Variants in INO80 observed in about 807,000 individuals in gnomAD.
INO80 encodes the protein INO80 complex ATPase subunit, also known as chromatin-remodeling ATPase INO80.
In INO80, 20 loss-of-function variants were observed where a neutral mutation model predicts 203.4. That is an observed-to-expected ratio of 0.10 (90% CI 0.07 to 0.14). The LOEUF (loss-of-function observed/expected upper bound fraction) is 0.14, where lower values mean the gene tolerates loss of function less well. INO80 is among the 10% of genes least tolerant of loss of function. INO80 has a pLI of 1.00. For missense variants in INO80, 1,419 were observed against 1,914.4 expected, an observed-to-expected ratio of 0.74 and a Z score of 4.83; for synonymous variants, 726 against 685.2, an observed-to-expected ratio of 1.06 and a Z score of -0.93.
intron 27 of INO80, among the ~76,000 whole-genome samples, chr15:41,014,019 C>T (rs1435822274): frequency 1.3e-5 from 2 of 152,166 alleles, no homozygotes; most frequent in Non-Finnish European, 2.9e-5. Context: ...GTAGAGTTTA[C>T]AGCACTTATC....
At chr15:41,067,011 T>C (rs1322426960) in intron 14 of INO80, among the ~76,000 whole-genome samples, 1 of 152,146 alleles carries the variant, frequency 6.6e-6, no homozygotes, top group East Asian at 1.9e-4. Flanking sequence ...CACATTGCCA[T>C]CTATCAGCAG....
At chr15:41,028,328 G>A (rs993399481) in intron 24 of INO80, among the ~76,000 whole-genome samples, 15 of 152,016 alleles carry the variant, frequency 9.9e-5, no homozygotes, top group Admixed American at 7.2e-4. Flanking sequence ...TAGAGACAGG[G>A]TTTCACCATG....
rs528734407 is a variant in INO80, at chr15:41,090,662, G to A, written c.537+1365C>T. ...GAGGGGCAACAGCTAAGAGGCATGC[G>A]GTTTCTTTATGAGGTGATGCAAATG... On this transcript the variant is annotated intron_variant, in intron 5 of 35. Transcript: ENST00000648947. Among the ~76,000 whole-genome samples, 7 of 152,062 alleles carry A rather than the reference G, an allele frequency of 4.6e-5. No homozygotes were observed. In the East Asian group the frequency reaches 1.2e-3, roughly 25 times the overall value.
At position 40,980,195 on chromosome 15, in the gene INO80, G is replaced by A. The variant is rs749091379; in HGVS notation, c.*28C>T. 9 of 1,592,868 alleles carry A rather than the reference G, an allele frequency of 5.7e-6. No homozygotes were observed. In the East Asian group the frequency reaches 2.0e-4, roughly 36 times the overall value. ...AGGTCAGGACTCTAGCCCTGGTTTG[G>A]TTGAAGGAAGTCGGAGGGCCCAGAT... On this transcript the variant is annotated 3_prime_UTR_variant, in exon 36 of 36. Coordinates refer to ENST00000648947, the MANE Select transcript of INO80 (RefSeq NM_017553.3).
At chr15:41,058,893 G>T in intron 15 of INO80, 112 bp from the exon 16 acceptor site, 1 of 955,668 alleles carries the variant, frequency 1.0e-6, no homozygotes, top group Non-Finnish European at 1.6e-6. Context: ...CCCTGAAGAT[G>T]TGCTTCTCCC....
In INO80 at chr15:40,980,430, G is replaced by A; in HGVS notation, c.4464C>T (p.Ala1488=). The change falls in exon 36 of 36, where the codon GCC becomes GCT. Residue 1488 remains alanine, a synonymous_variant. Transcript: ENST00000648947. ...CAAGGGATGTCTGCAGAGGACTGCTGGCGGAGATTCCTGTGGGGACGGAGA... is the reference window on the plus strand; with the variant it reads ...CAAGGGATGTCTGCAGAGGACTGCTAGCGGAGATTCCTGTGGGGACGGAGA... ...YGYNVSKGIS[A]SSPLQTSLVR... 6.2e-7 allele frequency: 1 copy of A among 1,612,830 alleles called. No homozygotes were observed. The highest frequency in any genetic ancestry group is 8.5e-7 in the Non-Finnish European group (1 of 1,179,732).
intron 22 of INO80, 71 bp from the exon 23 acceptor site, chr15:41,047,572 C>A: frequency 9.3e-7 from 1 of 1,074,640 alleles, no homozygotes; most frequent in Non-Finnish European, 1.4e-6. Flanking sequence ...GCCTGCTCAA[C>A]TGCTGAGTTT....
rs745789196 is a variant in INO80 at position 40,987,148 on chromosome 15, A to G, written c.3775T>C (p.Leu1259=). 1.6e-5 allele frequency: 26 copies of G among 1,613,698 alleles called. No individual in the cohort carries two copies. Among genetic ancestry groups the G allele is most frequent in the Non-Finnish European group, 1.7e-6 (2 of 1,179,746 alleles). The change falls in exon 31 of 36, where the codon TTG becomes CTG. Residue 1259 remains leucine (L), a synonymous_variant. Transcript: ENST00000648947. ...ISGGNFKPDT[L]KPKEVVSLLL... ...AGACTAACCACCTCTTTGGGTTTCA[A>G]GGTATCTGGTTTGAAGTTCCCACCT... is the stretch of plus-strand genomic sequence containing the variant.
intron 26 of INO80, chr15:41,016,994 T>A: frequency 6.6e-6 from 1 of 152,142 alleles, no homozygotes; most frequent in Non-Finnish European, 1.5e-5. Flanking sequence ...CTACCCTTTT[T>A]TTTTTTTAAA....
intron 1 of INO80, among the ~76,000 whole-genome samples, chr15:41,099,349 T>G (rs919157651): frequency 6.6e-6 from 1 of 151,086 alleles, no homozygotes; most frequent in South Asian, 2.1e-4. Flanking sequence ...AAACTCCCAT[T>G]GTGGCGATAG....
chr15:41,045,708 A>C (rs3101441), intron 23 of INO80, among the ~76,000 whole-genome samples: 134,023 of 151,482 alleles, frequency 0.88, 61,410 homozygotes, highest in East Asian at 1. Context: ...GCCTGGCCAA[A>C]ATGGTGAAAC....
chr15:41,027,908 C>A, intron 24 of INO80, 172 bp from the exon 25 acceptor site: 1 of 426,626 alleles, frequency 2.3e-6, no homozygotes. Flanking sequence ...ACAGTTGAAG[C>A]CCATGTTAAT....
intron 7 of INO80, among the ~76,000 whole-genome samples, chr15:41,081,308 A>C (rs971873157): frequency 6.6e-6 from 1 of 152,228 alleles, no homozygotes; most frequent in Non-Finnish European, 1.5e-5. Context: ...TCTTCTGTAT[A>C]CTTTTGGGAA....
At chr15:40,995,146 G>A (rs1276521713) in intron 29 of INO80, among the ~76,000 whole-genome samples, 4 of 152,174 alleles carry the variant, frequency 2.6e-5, no homozygotes, top group Non-Finnish European at 5.9e-5. Flanking sequence ...GTGAGCCACC[G>A]CGTTCAGCCT....
intron 11 of INO80, 108 bp from the exon 12 acceptor site, chr15:41,072,166 T>C (rs968064871): frequency 1.9e-5 from 13 of 689,536 alleles, no homozygotes; most frequent in Non-Finnish European, 2.8e-5. Flanking sequence ...AGAAAAATAA[T>C]TGGAACAAAA....
At chr15:41,072,980 C>T (rs2045347052) in intron 11 of INO80, among the ~76,000 whole-genome samples, 1 of 151,950 alleles carries the variant, frequency 6.6e-6, no homozygotes, top group Non-Finnish European at 1.5e-5. Context: ...GGGGTTTCAC[C>T]GTGTTAGCCT....
rs753607624 is a variant in INO80, at chr15:41,085,378, T to C, written c.864A>G (p.Glu288=). ...RKVWLSIVKK[E]LPKANKQKAS... Reference sequence around the variant, plus strand: ...GGAGGCATTCACTTACCTTTGGTAGTTCCTTTTTCACAATGCTGAGCCATA... The same window carrying C: ...GGAGGCATTCACTTACCTTTGGTAGCTCCTTTTTCACAATGCTGAGCCATA... The change falls in exon 7 of 36, where the codon GAA becomes GAG. Residue 288 remains glutamate (E), a synonymous_variant. Coordinates refer to ENST00000648947, the MANE Select transcript of INO80 (RefSeq NM_017553.3). 14 of 1,613,990 alleles carry C rather than the reference T, an allele frequency of 8.7e-6. No homozygotes were observed. The highest frequency in any genetic ancestry group is 1.2e-5 in the Non-Finnish European group (14 of 1,179,984).
chr15:41,038,011 C>CTTTTTTTTTTT (rs748525965), intron 24 of INO80, among the ~76,000 whole-genome samples: 8 of 89,794 alleles, frequency 8.9e-5, no homozygotes, highest in Non-Finnish European at 1.5e-4. Flanking sequence ...CTTCCCTTTT[C>CTTTTTTTTTTT]TTTTTTTTTT....
intron 6 of INO80, 87 bp downstream of exon 6, chr15:41,087,472 CTTA>C: frequency 7.4e-7 from 1 of 1,347,612 alleles, no homozygotes; most frequent in Non-Finnish European, 1.0e-6. Context: ...ACCATATGGA[CTTA>C]TATATAAAGT....
Sources: gnomAD v4.1 joint callset for allele counts (sites outside exome capture counted in the v4.1 genomes callset) on GRCh38, gnomAD v4.1.1 for gene constraint, MANE v1.5 for transcripts, NCBI Gene and HGNC (gene_info 2026-07-23, HGNC 2026-07-21) for gene names.